The following FAT3 variants were observed in gnomAD, a reference collection of about 807,000 sequenced individuals.
FAT3 encodes the protein protocadherin Fat 3.
FAT3 carries 95 observed loss-of-function variants against 310.2 expected under a neutral mutation model. The observed-to-expected ratio is 0.31, with a 90% CI of 0.26 to 0.36. FAT3 has a LOEUF of 0.36. Ranked by LOEUF, FAT3 falls within the 10% of genes least tolerant of loss-of-function variation. The pLI is 1.00. For missense variants in FAT3, 5,408 were observed against 5,715.6 expected, an observed-to-expected ratio of 0.95 and a Z score of 1.74; for synonymous variants, 2,314 against 2,192.9, an observed-to-expected ratio of 1.06 and a Z score of -1.54.
chr11:92,466,733 T>C (rs1170785549), intron 2 of FAT3, among the ~76,000 whole-genome samples: 7 of 72,510 alleles, frequency 9.7e-5, no homozygotes, highest in Admixed American at 4.2e-4. Context: ...CCCTCCCCCC[T>C]CCCCCCACCC....
At chr11:92,825,247 C>T (rs1007923967) in intron 13 of FAT3, among the ~76,000 whole-genome samples, 1 of 152,148 alleles carries the variant, frequency 6.6e-6, no homozygotes, top group Admixed American at 6.6e-5. Flanking sequence ...GTTTCTTCTG[C>T]GGTTCAACAT....
chr11:92,319,428 G>A (rs1471562502), intron 1 of FAT3, among the ~76,000 whole-genome samples: 2 of 151,940 alleles, frequency 1.3e-5, no homozygotes, highest in Non-Finnish European at 2.9e-5. Flanking sequence ...TTTTTTGGTA[G>A]CCCAAGATTT....
At chr11:92,465,857 A>G (rs1198364767) in intron 2 of FAT3, among the ~76,000 whole-genome samples, 1 of 152,214 alleles carries the variant, frequency 6.6e-6, no homozygotes, top group Non-Finnish European at 1.5e-5. Flanking sequence ...AATAAAAAAA[A>G]ATGCCTTTAA....
At chr11:92,486,091 C>T (rs12363633) in intron 2 of FAT3, among the ~76,000 whole-genome samples, 1 of 128,532 alleles carries the variant, frequency 7.8e-6, no homozygotes, top group Non-Finnish European at 1.6e-5. Context: ...ATGAATTCCT[C>T]TAAGGACTCA....
chr11:92,679,137 C>A (rs904914866), intron 3 of FAT3, among the ~76,000 whole-genome samples: 1 of 152,014 alleles, frequency 6.6e-6, no homozygotes, highest in Non-Finnish European at 1.5e-5. Context: ...GATTTCATTC[C>A]TTTTATGGCT....
intron 1 of FAT3, among the ~76,000 whole-genome samples, chr11:92,333,671 A>C (rs1006471680): frequency 6.6e-6 from 1 of 152,132 alleles, no homozygotes; most frequent in African/African-American, 2.4e-5. Flanking sequence ...ATAAGCTCTA[A>C]TTATGTTCAA....
At chr11:92,653,261 A>G (rs1016916630) in intron 3 of FAT3, among the ~76,000 whole-genome samples, 7 of 152,082 alleles carry the variant, frequency 4.6e-5, no homozygotes, top group Non-Finnish European at 7.4e-5. Context: ...TCGGTATCCA[A>G]TTAAAATGTT....
intron 18 of FAT3, among the ~76,000 whole-genome samples, chr11:92,843,723 T>C (rs1798112512): frequency 1.3e-5 from 2 of 152,222 alleles, no homozygotes; most frequent in African/African-American, 4.8e-5. Flanking sequence ...ATACATTTTA[T>C]TGTCCATAAC....
intron 1 of FAT3, among the ~76,000 whole-genome samples, chr11:92,312,683 C>T (rs1947341419): frequency 6.6e-6 from 1 of 152,126 alleles, no homozygotes; most frequent in South Asian, 2.1e-4. Flanking sequence ...TGTATCTTGT[C>T]ACTTGAGCCA....
intron 2 of FAT3, among the ~76,000 whole-genome samples, chr11:92,413,936 T>G (rs1170419481): frequency 6.6e-6 from 1 of 152,162 alleles, no homozygotes; most frequent in East Asian, 1.9e-4. Flanking sequence ...TGTGCATGCA[T>G]GTTGGTGATG....
chr11:92,828,292 T>C (rs543522138), intron 13 of FAT3, among the ~76,000 whole-genome samples: 151 of 152,200 alleles, frequency 9.9e-4, no homozygotes, highest in Admixed American at 1.3e-3. Flanking sequence ...ATCCCAAAAA[T>C]ACTATTTCCA....
intron 3 of FAT3, among the ~76,000 whole-genome samples, chr11:92,673,917 A>G (rs371524107): frequency 6.6e-6 from 1 of 152,114 alleles, no homozygotes; most frequent in Non-Finnish European, 1.5e-5. Context: ...ATGGTGGTTC[A>G]TGCCTATAAT....
intron 19 of FAT3, among the ~76,000 whole-genome samples, chr11:92,852,522 A>G (rs1023212451): frequency 3.9e-5 from 6 of 152,146 alleles, no homozygotes; most frequent in African/African-American, 1.4e-4. Context: ...TCCCCAGAGG[A>G]TTTTTAAAAC....
chr11:92,304,006 C>T lies in FAT3; in HGVS notation c.-17-48090C>T, dbSNP rs114694501. On this transcript the variant is annotated intron_variant, in intron 1 of 27. Transcript: ENST00000525166. ...CAACATATTCTGTTTGATATTTTAA[C>T]GGTTTGAAAAAGGAGTTTTAGAATA... Among the ~76,000 whole-genome samples, 1,342 of 152,084 alleles carry T rather than the reference C, an allele frequency of 8.8e-3. 16 individuals carry two copies. Among genetic ancestry groups the T allele is most frequent in the African/African-American group, 0.03 (1,260 of 41,490 alleles).
At chr11:92,397,948 C>T (rs905451754) in intron 2 of FAT3, among the ~76,000 whole-genome samples, 1 of 152,056 alleles carries the variant, frequency 6.6e-6, no homozygotes, top group African/African-American at 2.4e-5. Context: ...CTCATGTACA[C>T]AAGGACCACC....
At chr11:92,781,099 G>T (rs1946740439) in intron 7 of FAT3, among the ~76,000 whole-genome samples, 1 of 118,290 alleles carries the variant, frequency 8.5e-6, no homozygotes, top group African/African-American at 3.3e-5. Context: ...TTTTGAGACA[G>T]AGTCTCACTC....
At chr11:92,406,616 C>G (rs531805325) in intron 2 of FAT3, 1 of 152,160 alleles carries the variant, frequency 6.6e-6, no homozygotes, top group Admixed American at 6.5e-5. Context: ...TTTGCTGCCA[C>G]GAAAGCTGTG....
At chr11:92,371,930 C>T (rs1949196376) in intron 2 of FAT3, among the ~76,000 whole-genome samples, 1 of 152,136 alleles carries the variant, frequency 6.6e-6, no homozygotes, top group African/African-American at 2.4e-5. Context: ...AAAAAGAAGT[C>T]ATATGGGATG....
chr11:92,262,846 G>A lies in FAT3; in HGVS notation c.-18+37672G>A, dbSNP rs115647649. 5.2e-3 allele frequency among the ~76,000 whole-genome samples: 787 copies of A among 152,156 alleles called. 13 individuals are homozygous for A. The highest frequency in any genetic ancestry group is 0.018 in the African/African-American group (738 of 41,538). On this transcript the variant is annotated intron_variant, in intron 1 of 27. Transcript: ENST00000525166. ...TCCAAAATGCAAGTGGTTGCAAATG[G>A]CTCTGAAGGATGCTTGCCAGTGCTG...
Sources: allele counts gnomAD v4.1 joint callset (sites outside exome capture counted in the v4.1 genomes callset), GRCh38; gene constraint gnomAD v4.1.1; transcripts MANE v1.5; gene names NCBI Gene and HGNC (gene_info 2026-07-23, HGNC 2026-07-21).